The following CMIP variants were observed in gnomAD, a reference collection of about 807,000 sequenced individuals.
The protein encoded by CMIP is c-Maf inducing protein, also known as C-Maf-inducing protein.
Under a neutral mutation model 97.3 loss-of-function variants are expected in CMIP, and 13 were observed. The ratio of observed to expected loss-of-function variants is 0.13; its 90% CI spans 0.09 to 0.21. The LOEUF (loss-of-function observed/expected upper bound fraction) is 0.21. CMIP is among the 10% of genes least tolerant of loss of function. The probability of loss-of-function intolerance (pLI) is 1.00; values close to 1 mark genes in which losing one functional copy is unlikely to be tolerated. For synonymous variants in CMIP, 538 were observed against 436.3 expected, an observed-to-expected ratio of 1.23 and a Z score of -2.91; for missense variants, 847 against 1,024.9, an observed-to-expected ratio of 0.83 and a Z score of 2.37.
chr16:81,522,695 C>A (rs377549623), intron 1 of CMIP, among the ~76,000 whole-genome samples: 1 of 152,108 alleles, frequency 6.6e-6, no homozygotes, highest in Non-Finnish European at 1.5e-5. Context: ...GCATTTCTAC[C>A]GCCCCGACTA....
At chr16:81,594,823 G>A (rs1345540919) in intron 1 of CMIP, among the ~76,000 whole-genome samples, 1 of 147,792 alleles carries the variant, frequency 6.8e-6, no homozygotes, top group African/African-American at 2.5e-5. Context: ...GTAGAGACGG[G>A]GTTTTAGCAT....
chr16:81,607,925 T>C (rs150673083), intron 2 of CMIP, among the ~76,000 whole-genome samples: 1 of 152,208 alleles, frequency 6.6e-6, no homozygotes, highest in Non-Finnish European at 1.5e-5. Context: ...TAGGAACTTT[T>C]CAGGTTGCTC....
intron 1 of CMIP, among the ~76,000 whole-genome samples, chr16:81,458,665 C>T (rs1489723699): frequency 6.6e-6 from 1 of 152,162 alleles, no homozygotes; most frequent in Non-Finnish European, 1.5e-5. Context: ...CCTGCCTGCC[C>T]AGGTCAGTCC....
At chr16:81,564,259 C>G (rs1306948001) in intron 1 of CMIP, among the ~76,000 whole-genome samples, 1 of 152,174 alleles carries the variant, frequency 6.6e-6, no homozygotes, top group Non-Finnish European at 1.5e-5. Context: ...GCATTGGGGC[C>G]TTCCTCCATA....
chr16:81,673,200 G>C (rs553494159), intron 9 of CMIP, among the ~76,000 whole-genome samples: 2 of 152,214 alleles, frequency 1.3e-5, no homozygotes, highest in African/African-American at 4.8e-5. Context: ...GGGAAGGGAG[G>C]ACATCAGTGA....
In CMIP at chr16:81,535,028, C is replaced by G. The variant is rs556912102; in HGVS notation, c.301-72539C>G. On this transcript the variant is annotated intron_variant, in intron 1 of 20. Transcript: ENST00000537098. Reference sequence around the variant, plus strand: ...TGCAGAGGCGTGATCTCGGCTCACTCTAAGCTCTGCCTCCCGGGTTCATGC... The same window carrying G: ...TGCAGAGGCGTGATCTCGGCTCACTGTAAGCTCTGCCTCCCGGGTTCATGC... Among the ~76,000 whole-genome samples the G allele has an allele frequency of 1.9e-4, 29 of 152,174 alleles. No homozygotes were observed. The South Asian group carries it at 6.0e-3, about 32-fold the overall frequency.
In CMIP at chr16:81,671,977, C is replaced by T; in HGVS notation, c.941C>T (p.Pro314Leu). 6.3e-7 allele frequency: 1 copy of T among 1,585,890 alleles called. No homozygotes were observed. The part of the protein sequence containing the change: ...VKKFIQSMHG[P>L]TGHCPHPRVL... ...CTGCTTTTTTCCAGCATGCACGGCC[C>T]CACAGGGCACTGCCCCCACCCCCGG... is the stretch of plus-strand genomic sequence containing the variant. Residue 314 changes from proline to leucine, a missense_variant, in exon 9 of 21, where the codon CCC (proline) becomes CTC (leucine). Around this residue, in one of 4 missense-constraint regions of CMIP, gnomAD observed 285 missense variants for 392.2 expected, o/e 0.73. Coordinates refer to ENST00000537098, the MANE Select transcript of CMIP (RefSeq NM_198390.3).
At chr16:81,659,303 G>T (rs897937775) in intron 5 of CMIP, among the ~76,000 whole-genome samples, 1 of 152,178 alleles carries the variant, frequency 6.6e-6, no homozygotes, top group Non-Finnish European at 1.5e-5. Flanking sequence ...GAGAGAACCT[G>T]GCAGATCAAC....
intron 1 of CMIP, among the ~76,000 whole-genome samples, chr16:81,543,334 C>G (rs1255979586): frequency 6.6e-6 from 1 of 152,198 alleles, no homozygotes. Flanking sequence ...GGAGAGCGCT[C>G]TTTGTTGGTC....
At chr16:81,620,719 C>G (rs1005834711) in intron 2 of CMIP, among the ~76,000 whole-genome samples, 157 bp from the exon 3 acceptor site, 2 of 152,240 alleles carry the variant, frequency 1.3e-5, no homozygotes, top group African/African-American at 4.8e-5. Context: ...TTGCACACAA[C>G]AGGCTCAGCT....
At chr16:81,572,308 T>C (rs1013287606) in intron 1 of CMIP, among the ~76,000 whole-genome samples, 1 of 152,254 alleles carries the variant, frequency 6.6e-6, no homozygotes, top group African/African-American at 2.4e-5. Context: ...TGAGCAGCGA[T>C]TGGCCCTTGC....
intron 1 of CMIP, among the ~76,000 whole-genome samples, chr16:81,592,719 T>G: frequency 6.6e-6 from 1 of 152,144 alleles, no homozygotes; most frequent in Non-Finnish European, 1.5e-5. Flanking sequence ...GACCCGAACC[T>G]CCTTTTCTCC....
At chr16:81,605,442 A>T (rs1391727483) in intron 1 of CMIP, among the ~76,000 whole-genome samples, 1 of 152,152 alleles carries the variant, frequency 6.6e-6, no homozygotes, top group Non-Finnish European at 1.5e-5. Context: ...TCCCCCTGCC[A>T]CCACTGTCTC....
chr16:81,628,856 C>A (rs1298921546), intron 3 of CMIP, among the ~76,000 whole-genome samples: 1 of 152,090 alleles, frequency 6.6e-6, no homozygotes, highest in Non-Finnish European at 1.5e-5. Flanking sequence ...TGTGAATTGG[C>A]TGCGCGTGAT....
In CMIP at chr16:81,522,257, G is replaced by A. The variant is rs141144561; in HGVS notation, c.300+76716G>A. Reference sequence around the variant, plus strand: ...TTCCTGGAGTGTGATTGGTGGGTTGGGCCCTGTCATCAGAGCCCTAAGCCA... The same window carrying A: ...TTCCTGGAGTGTGATTGGTGGGTTGAGCCCTGTCATCAGAGCCCTAAGCCA... On this transcript the variant is annotated intron_variant, in intron 1 of 20. Transcript: ENST00000537098. Among the ~76,000 whole-genome samples the A allele has an allele frequency of 2.7e-3, 418 of 152,198 alleles. 1 individual carries two copies. Among genetic ancestry groups the A allele is most frequent in the African/African-American group, 9.7e-3 (404 of 41,496 alleles).
chr16:81,593,856 C>A (rs142185412), intron 1 of CMIP, among the ~76,000 whole-genome samples: 1 of 152,126 alleles, frequency 6.6e-6, no homozygotes, highest in South Asian at 2.1e-4. Flanking sequence ...GTGCTGAGCA[C>A]GCCACATGCC....
chr16:81,559,763 T>G (rs2150870246), intron 1 of CMIP, among the ~76,000 whole-genome samples: 1 of 152,314 alleles, frequency 6.6e-6, no homozygotes, highest in East Asian at 1.9e-4. Context: ...TACTGTACAT[T>G]TTATTGTTAT....
intron 1 of CMIP, among the ~76,000 whole-genome samples, chr16:81,525,057 A>T (rs1331080990): frequency 1.3e-5 from 2 of 151,170 alleles, no homozygotes; most frequent in Non-Finnish European, 3.0e-5. Context: ...CGGCCTCCCA[A>T]AGTACTGGGA....
intron 6 of CMIP, among the ~76,000 whole-genome samples, chr16:81,662,933 CAGACCAA>C (rs1466898813): frequency 6.6e-6 from 1 of 152,164 alleles, no homozygotes; most frequent in Non-Finnish European, 1.5e-5. Flanking sequence ...CAAGGTCTTT[CAGACCAA>C]ACATGCAGAA....
Sources: gnomAD v4.1 joint callset for allele counts (sites outside exome capture counted in the v4.1 genomes callset) on GRCh38, gnomAD v4.1.1 for gene constraint, gnomAD v4.1.1 regional missense constraint, MANE v1.5 for transcripts, NCBI Gene and HGNC (gene_info 2026-07-23, HGNC 2026-07-21) for gene names.